The following NYAP2 variants were observed in gnomAD, a reference collection of about 807,000 sequenced individuals.
NYAP2 encodes the protein neuronal tyrosine-phosphorylated phosphoinositide-3-kinase adapter 2.
A neutral mutation model predicts 50.4 loss-of-function variants in NYAP2; 23 were observed. That is an observed-to-expected ratio of 0.46 (90% CI 0.33 to 0.65). The LOEUF (loss-of-function observed/expected upper bound fraction) is 0.65. Ranked by LOEUF, NYAP2 falls within the 30% of genes least tolerant of loss-of-function variation. The pLI, the probability that NYAP2 is intolerant of heterozygous loss-of-function variation, is 0.02. For missense variants in NYAP2, 885 were observed against 861.0 expected (o/e 1.03, Z -0.35); for synonymous variants, 394 against 365.2 (o/e 1.08, Z -0.90).
chr2:225,684,536 CA>C, the NYAP2 span, among the ~76,000 whole-genome samples: 34 of 150,972 alleles, frequency 2.3e-4, 1 homozygote, highest in East Asian at 6.7e-3. Context: ...CACCTTGGTT[CA>C]AAAATCTTAA....
intron 6 of NYAP2, among the ~76,000 whole-genome samples, chr2:225,650,303 C>G (rs1007676716): frequency 6.6e-6 from 1 of 152,154 alleles, no homozygotes; most frequent in South Asian, 2.1e-4. Flanking sequence ...GTGCACCTCC[C>G]CAGCGTGAGC....
the NYAP2 span, among the ~76,000 whole-genome samples, chr2:225,660,242 T>G: frequency 6.6e-6 from 1 of 152,118 alleles, no homozygotes; most frequent in Non-Finnish European, 1.5e-5. Flanking sequence ...ACCTTGTAGG[T>G]CTCATATGTG....
At chr2:225,501,822 C>T (rs531034847) in intron 3 of NYAP2, among the ~76,000 whole-genome samples, 2 of 152,154 alleles carry the variant, frequency 1.3e-5, no homozygotes, top group African/African-American at 2.4e-5. Context: ...TTTCCACTTG[C>T]TACAAACAAT....
At chr2:225,661,137 A>G in the NYAP2 span, among the ~76,000 whole-genome samples, 1 of 152,208 alleles carries the variant, frequency 6.6e-6, no homozygotes, top group African/African-American at 2.4e-5. Flanking sequence ...TTTGAAACAG[A>G]TAGCTTGAGA....
At chr2:225,401,833 G>T (rs1470469193) in intron 2 of NYAP2, among the ~76,000 whole-genome samples, 2 of 151,730 alleles carry the variant, frequency 1.3e-5, no homozygotes, top group Non-Finnish European at 2.9e-5. Flanking sequence ...CCATAGAATT[G>T]GATTTTTTTT....
chr2:225,673,247 C>T, the NYAP2 span, among the ~76,000 whole-genome samples: 1 of 152,040 alleles, frequency 6.6e-6, no homozygotes, highest in African/African-American at 2.4e-5. Flanking sequence ...TACCTCCCAC[C>T]AGGTCCCTCC....
At chr2:225,597,679 A>T (rs937794454) in intron 5 of NYAP2, among the ~76,000 whole-genome samples, 1 of 150,630 alleles carries the variant, frequency 6.6e-6, no homozygotes, top group African/African-American at 2.4e-5. Flanking sequence ...GGTACCCAGT[A>T]GTGGGAATGC....
intron 3 of NYAP2, among the ~76,000 whole-genome samples, chr2:225,512,280 AT>A (rs1297197916): frequency 1.3e-5 from 2 of 152,208 alleles, no homozygotes; most frequent in Non-Finnish European, 2.9e-5. Flanking sequence ...TACACTGAAT[AT>A]TTATGAAGTA....
intron 3 of NYAP2, among the ~76,000 whole-genome samples, chr2:225,507,659 G>A (rs1690732166): frequency 6.6e-6 from 1 of 152,152 alleles, no homozygotes; most frequent in South Asian, 2.1e-4. Flanking sequence ...GTACCATATG[G>A]CATGCTTTAC....
intron 4 of NYAP2, among the ~76,000 whole-genome samples, chr2:225,574,688 A>G (rs140977073): frequency 2.4e-3 from 365 of 151,468 alleles, no homozygotes; most frequent in African/African-American, 8.5e-3. Flanking sequence ...ACATTTCTTT[A>G]GATGAAAGAC....
At chr2:225,636,592 G>A (rs570939115) in intron 6 of NYAP2, among the ~76,000 whole-genome samples, 30 of 151,594 alleles carry the variant, frequency 2.0e-4, no homozygotes, top group African/African-American at 6.3e-4. Flanking sequence ...ACATGCACAC[G>A]TATGGTAATG....
chr2:225,425,023 G>A (rs80174722), intron 3 of NYAP2, among the ~76,000 whole-genome samples: 23,843 of 152,036 alleles, frequency 0.16, 3,170 homozygotes, highest in African/African-American at 0.37. Flanking sequence ...TGGTTTTCTA[G>A]AAGCCAACCT....
chr2:225,582,070 G>A lies in NYAP2; in HGVS notation c.653G>A (p.Arg218Gln), dbSNP rs1363261078. The A allele has an allele frequency of 2.5e-6, 4 of 1,613,886 alleles. No individual in the cohort carries two copies. The highest frequency in any genetic ancestry group is 1.1e-5 in the South Asian group (1 of 91,086). The change falls in exon 5 of 7, where the codon CGG becomes CAG. Residue 218 changes from arginine to glutamine, a missense_variant. Transcript: ENST00000636099. This position sits in a 1 kb window ranked among gnomAD's most constrained non-coding sequence, Gnocchi z 7.0. The stretch of plus-strand genomic sequence containing the variant: ...ACGTACATCAAAAAGCATGGGCCCC[G>A]GAGGACGTCGCTGCCGCGGGACTCC...
At chr2:225,676,283 G>A in the NYAP2 span, among the ~76,000 whole-genome samples, 1 of 151,970 alleles carries the variant, frequency 6.6e-6, no homozygotes, top group African/African-American at 2.4e-5. Flanking sequence ...ATATTCTGAG[G>A]TCAGACATTT....
intron 3 of NYAP2, among the ~76,000 whole-genome samples, chr2:225,458,789 A>T (rs1040507611): frequency 6.6e-6 from 1 of 152,242 alleles, no homozygotes; most frequent in South Asian, 2.1e-4. Flanking sequence ...ATAAACATCT[A>T]GTTCCTTCTT....
intron 4 of NYAP2, among the ~76,000 whole-genome samples, chr2:225,575,262 A>G (rs1345690841): frequency 2.6e-5 from 4 of 152,012 alleles, no homozygotes; most frequent in Non-Finnish European, 5.9e-5. Flanking sequence ...TGGTCTCCTC[A>G]CTATCCTTCA....
chr2:225,435,585 T>C (rs1251729789), intron 3 of NYAP2, among the ~76,000 whole-genome samples: 1 of 152,240 alleles, frequency 6.6e-6, no homozygotes, highest in African/African-American at 2.4e-5. Context: ...GCAGAATAAA[T>C]TGTGTATCAT....
At chr2:225,406,044 AT>A (rs1346301531) in intron 2 of NYAP2, among the ~76,000 whole-genome samples, 2 of 152,010 alleles carry the variant, frequency 1.3e-5, no homozygotes, top group African/African-American at 4.8e-5. Flanking sequence ...TTATAGTTAA[AT>A]TTATGGAATA....
chr2:225,539,769 T>G (rs1048439275), intron 4 of NYAP2, among the ~76,000 whole-genome samples: 2 of 152,170 alleles, frequency 1.3e-5, no homozygotes, highest in African/African-American at 2.4e-5. Context: ...ATGGATAGAT[T>G]GCAAAAATTT....
Sources: gnomAD v4.1 joint callset for allele counts (sites outside exome capture counted in the v4.1 genomes callset) on GRCh38, gnomAD v4.1.1 for gene constraint, Gnocchi (gnomAD v3.1) non-coding constraint, MANE v1.5 for transcripts, NCBI Gene and HGNC (gene_info 2026-07-23, HGNC 2026-07-21) for gene names.